HYDIN: variants seen among roughly 807,000 people sequenced by gnomAD.
HYDIN encodes HYDIN axonemal central pair apparatus protein, also known as axonemal central pair apparatus protein HYDIN.
Under a neutral mutation model 403.9 loss-of-function variants are expected in HYDIN, and 132 were observed. The observed-to-expected ratio is 0.33, with a 90% confidence interval of 0.28 to 0.38. The LOEUF (loss-of-function observed/expected upper bound fraction) is 0.38. HYDIN is among the 10% of genes least tolerant of loss of function. The pLI is 1.00. For synonymous variants in HYDIN, 1,202 were observed against 1,891.7 expected (o/e 0.64, Z 9.46); for missense variants, 2,827 against 5,009.5 (o/e 0.56, Z 13.15).
intron 23 of HYDIN, among the ~76,000 whole-genome samples, chr16:71,009,355 T>C (rs1217491642): frequency 6.7e-6 from 1 of 149,768 alleles, no homozygotes; most frequent in Non-Finnish European, 1.5e-5. Context: ...ACTTTCCAGA[T>C]GCATGAACCA....
At chr16:71,051,770 C>G (rs1200924098) in intron 18 of HYDIN, among the ~76,000 whole-genome samples, 15 of 152,104 alleles carry the variant, frequency 9.9e-5, no homozygotes, top group African/African-American at 3.6e-4. Context: ...CTATCTAATG[C>G]AATGAGTCAG....
In HYDIN at chr16:71,093,879, G is replaced by T; in HGVS notation, c.1384C>A (p.His462Asn). The part of the protein sequence containing the change: ...IKGEGMGPKI[H>N]FNFELLDIGK... ...ATATCCAGCAATTCAAAGTTGAAGT[G>T]AATCTTAGGTCCCATGCCTTCCCCT... The change falls in exon 11 of 86, where the codon CAC (histidine) becomes AAC (asparagine). Residue 462 changes from histidine (H) to asparagine (N), a missense_variant. By Grantham distance (68) the His-to-Asn change is moderately conservative. Coordinates refer to ENST00000393567, the MANE Select transcript of HYDIN (RefSeq NM_001270974.2). 6.2e-7 allele frequency: 1 copy of T among 1,613,700 alleles called. No individual in the cohort carries two copies. Among genetic ancestry groups the T allele is most frequent in the East Asian group, 2.2e-5 (1 of 44,866 alleles).
intron 58 of HYDIN, among the ~76,000 whole-genome samples, chr16:70,886,152 C>A (rs2041119817): frequency 6.6e-6 from 1 of 151,790 alleles, no homozygotes; most frequent in Non-Finnish European, 1.5e-5. Context: ...GCACCTCCTC[C>A]TCTGTGAAGC....
chr16:71,203,633 G>C lies in HYDIN; in HGVS notation c.-23-16715C>G, dbSNP rs74025903. On this transcript the variant is annotated intron_variant, in intron 1 of 85. Transcript: ENST00000393567. ...ATTCAGGAATTAAGAAAAATTGCTG[G>C]ATCTCTGGATTAGGTAACCCAGGAC... 6.2e-3 allele frequency: 2,545 copies of C among 408,326 alleles called. 61 individuals carry two copies. Among genetic ancestry groups the C allele is most frequent in the African/African-American group, 0.049 (2,364 of 48,288 alleles). 25.3% of individuals were successfully genotyped at this position (408,326 alleles called of 1,614,324 possible).
In HYDIN at chr16:71,179,159, A is replaced by G. The variant is rs2086802320; in HGVS notation, c.262-112T>C. 4.0e-6 allele frequency: 3 copies of G among 749,124 alleles called. No homozygotes were observed. The East Asian group carries it at 8.3e-5, about 21-fold the overall frequency. The allele number at this position is 749,124 out of a possible 1,614,324, so 46.4% of individuals were successfully genotyped here. On this transcript the variant is annotated intron_variant, in intron 3 of 85. Transcript: ENST00000393567. ...GATATTAAAACTAAACATGGGAAATATTCAAAAAGAAATCCATACCCAAGT... is the reference window on the plus strand; with the variant it reads ...GATATTAAAACTAAACATGGGAAATGTTCAAAAAGAAATCCATACCCAAGT...
chr16:70,922,360 G>T (rs931246124), intron 45 of HYDIN, among the ~76,000 whole-genome samples: 2 of 152,284 alleles, frequency 1.3e-5, no homozygotes, highest in African/African-American at 4.8e-5. Context: ...CCAGCGTAGA[G>T]CAGCTGGAGG....
intron 39 of HYDIN, among the ~76,000 whole-genome samples, chr16:70,958,620 G>C (rs1373387080): frequency 6.6e-6 from 1 of 152,322 alleles, no homozygotes; most frequent in South Asian, 2.1e-4. Flanking sequence ...TTTGATTTCT[G>C]CCTGTTGCCC....
At chr16:71,136,857 AAAG>A (rs1422112857) in intron 8 of HYDIN, among the ~76,000 whole-genome samples, 221 of 147,648 alleles carry the variant, frequency 1.5e-3, no homozygotes, top group Non-Finnish European at 2.5e-3. Flanking sequence ...ACTTGTTTTG[AAAG>A]AATAGTGAAG....
intron 47 of HYDIN, among the ~76,000 whole-genome samples, chr16:70,913,233 C>A (rs2076743555): frequency 6.6e-6 from 1 of 151,768 alleles, no homozygotes; most frequent in South Asian, 2.1e-4. Context: ...CTTAGATTGG[C>A]AGTTAGTGCT....
rs768868875 is a variant in HYDIN at position 70,872,127 on chromosome 16, A to G, written c.11001T>C (p.Tyr3667=). 1.3e-6 allele frequency: 2 copies of G among 1,566,742 alleles called. No individual in the cohort carries two copies. The highest frequency in any genetic ancestry group is 2.4e-5 in the South Asian group (2 of 84,998). ...GATTTGTGACTGTGAAGCTCGCATT[A>G]TAGCTGTGTCCAATGTGGCAGTCCC... is the stretch of plus-strand genomic sequence containing the variant. The part of the protein sequence containing the change: ...QFGDCHIGHS[Y]NASFTVTNHS... The change falls in exon 65 of 86, where the codon TAT becomes TAC. Residue 3667 remains tyrosine (Y), a synonymous_variant. Coordinates refer to ENST00000393567, the MANE Select transcript of HYDIN (RefSeq NM_001270974.2).
intron 5 of HYDIN, among the ~76,000 whole-genome samples, chr16:71,174,821 G>A (rs1014645715): frequency 6.6e-6 from 1 of 152,170 alleles, no homozygotes; most frequent in African/African-American, 2.4e-5. Flanking sequence ...TGATGGGGGT[G>A]AGCAGGCCAG....
chr16:70,856,938 T>A (rs2039061663), intron 72 of HYDIN, among the ~76,000 whole-genome samples: 2 of 152,084 alleles, frequency 1.3e-5, no homozygotes, highest in African/African-American at 4.8e-5. Context: ...ATTTTACAAA[T>A]ACAAATCTAA....
Position 70,876,264 on chromosome 16 carries a change from C to T in HYDIN, c.10558-1345G>A, listed in dbSNP as rs964983170. Among the ~76,000 whole-genome samples, 4 of 146,030 alleles carry T rather than the reference C, an allele frequency of 2.7e-5. No homozygotes were observed. In the East Asian group the frequency reaches 8.0e-4, roughly 29 times the overall value. On this transcript the variant is annotated intron_variant, in intron 62 of 85. Coordinates refer to ENST00000393567, the MANE Select transcript of HYDIN (RefSeq NM_001270974.2). ...GCAGTGGTGAAATCTTGGCTCACTG[C>T]AACCTTTGTCTCCCGGGTTCTGGCG... is the stretch of plus-strand genomic sequence containing the variant.
intron 13 of HYDIN, among the ~76,000 whole-genome samples, chr16:71,078,262 A>C (rs1473598764): frequency 8.0e-5 from 12 of 150,390 alleles, no homozygotes; most frequent in Admixed American, 2.7e-4. Flanking sequence ...TGTTTGACCT[A>C]GTGTCTTTTC....
At chr16:70,954,359 G>A (rs1305367698) in intron 40 of HYDIN, among the ~76,000 whole-genome samples, 9 of 124,018 alleles carry the variant, frequency 7.3e-5, no homozygotes, top group Non-Finnish European at 1.0e-4. Context: ...CTCTGGAGGC[G>A]AATGTGGGAG....
chr16:70,887,340 GAGTT>G (rs2041201385), intron 58 of HYDIN, among the ~76,000 whole-genome samples: 1 of 152,030 alleles, frequency 6.6e-6, no homozygotes, highest in African/African-American at 2.4e-5. Context: ...AAATGGAAGA[GAGTT>G]AGAAGGAGAT....
chr16:70,807,676 G>A lies in HYDIN; in HGVS notation c.15270C>T (p.Thr5090=). ...TCACAGTCAGCTTGGTGGTGATGGG[G>A]GTTTTGCTGCCAGATGGGTTTCCTT... is the stretch of plus-strand genomic sequence containing the variant. The part of the protein sequence containing the change: ...SFEGNPSGSK[T]PITTKLTVSC... The change falls in exon 86 of 86, where the codon ACC becomes ACT. Residue 5090 remains threonine (T), a synonymous_variant. Coordinates refer to ENST00000393567, the MANE Select transcript of HYDIN (RefSeq NM_001270974.2). 1 of 1,614,084 alleles carries A rather than the reference G, an allele frequency of 6.2e-7. No homozygotes were observed. Among genetic ancestry groups the A allele is most frequent in the Non-Finnish European group, 8.5e-7 (1 of 1,180,016 alleles).
chr16:71,129,449 A>G (rs1386357262), intron 9 of HYDIN, among the ~76,000 whole-genome samples, 191 bp downstream of exon 9: 1 of 152,190 alleles, frequency 6.6e-6, no homozygotes, highest in Non-Finnish European at 1.5e-5. Flanking sequence ...ATTGTGACCT[A>G]TATATGTGTC....
At chr16:70,809,661 T>C in intron 85 of HYDIN, 122 bp downstream of exon 85, 2 of 791,840 alleles carry the variant, frequency 2.5e-6, no homozygotes, top group East Asian at 2.5e-5. Context: ...GGTGTCACCA[T>C]GACAACGAAG....
Sources: allele counts gnomAD v4.1 joint callset (sites outside exome capture counted in the v4.1 genomes callset), GRCh38; gene constraint gnomAD v4.1.1; transcripts MANE v1.5; gene names NCBI Gene and HGNC (gene_info 2026-07-23, HGNC 2026-07-21).